ADCY8: variants seen among roughly 807,000 people sequenced by gnomAD.
ADCY8 encodes the protein adenylate cyclase type 8.
In ADCY8, 51 loss-of-function variants were observed where a neutral mutation model predicts 119.7. The observed-to-expected ratio is 0.43, with a 90% CI of 0.34 to 0.54. The LOEUF (loss-of-function observed/expected upper bound fraction) is 0.54, where lower values mean the gene tolerates loss of function less well. Among genes scored for constraint, ADCY8 ranks in the 20% least tolerant of loss-of-function variants. The pLI is 0.03. For synonymous variants in ADCY8, 665 were observed against 651.0 expected, an observed-to-expected ratio of 1.02 and a Z score of -0.33; for missense variants, 1,383 against 1,598.8, an observed-to-expected ratio of 0.87 and a Z score of 2.30.
At chr8:130,990,960 G>T (rs1292581312) in intron 1 of ADCY8, 1 of 154,044 alleles carries the variant, frequency 6.5e-6, no homozygotes, top group Non-Finnish European at 1.4e-5. Context: ...GAATACCTTT[G>T]CCTTCGAATA....
chr8:130,984,479 GT>G (rs34093565), intron 2 of ADCY8, among the ~76,000 whole-genome samples: 38,005 of 145,066 alleles, frequency 0.26, 6,678 homozygotes, highest in African/African-American at 0.51. Flanking sequence ...AGTTTGTTTA[GT>G]TTTTTTTTTT....
intron 12 of ADCY8, among the ~76,000 whole-genome samples, chr8:130,822,226 A>G (rs567968683): frequency 6.6e-6 from 1 of 152,314 alleles, no homozygotes; most frequent in South Asian, 2.1e-4. Context: ...GTGTTCAGGG[A>G]AGGCTGAAGA....
chr8:130,999,118 C>A (rs1295345092), intron 1 of ADCY8, among the ~76,000 whole-genome samples: 2 of 152,218 alleles, frequency 1.3e-5, no homozygotes, highest in Non-Finnish European at 1.5e-5. Flanking sequence ...TTGTGTCCAC[C>A]GTCTCTTATC....
rs770084286 is a variant in ADCY8, at chr8:130,884,591, C to T, written c.2082G>A (p.Met694Ile). The T allele has an allele frequency of 7.3e-5, 117 of 1,613,726 alleles. No individual in the cohort carries two copies. The highest frequency in any genetic ancestry group is 1.8e-4 in the Admixed American group (11 of 59,968). Residue 694 changes from methionine (M) to isoleucine (I), a missense_variant, in exon 8 of 18, where the codon ATG becomes ATA. Physicochemically the swap from Met to Ile is conservative, Grantham distance 10. This residue lies in a region of ADCY8 where 928 missense variants were observed against 1,163.5 expected (regional missense o/e 0.80). Transcript: ENST00000286355. ...TGTGCTCCAGGCTGGAGTCTTTAAA[C>T]ATCAGTGAGAATGGCTTGATATGCT... ...RREHIKPFSL[M>I]FKDSSLEHKY...
At chr8:131,020,831 A>T (rs1264238937) in intron 1 of ADCY8, among the ~76,000 whole-genome samples, 1 of 152,208 alleles carries the variant, frequency 6.6e-6, no homozygotes, top group South Asian at 2.1e-4. Flanking sequence ...GGAAGGTATC[A>T]GTTTCTTCCC....
At position 130,821,523 on chromosome 8, in the gene ADCY8, C is replaced by T. The variant is rs2304395; in HGVS notation, c.2676-103G>A. ...AGTGGTATAAAAAGAAAAAAACACA[C>T]ATCTTTTCAGCACCTATTATGTGAT... On this transcript the variant is annotated intron_variant, in intron 12 of 17. Transcript: ENST00000286355. The T allele has an allele frequency of 5.2e-3, 4,241 of 814,114 alleles. 210 individuals carry two copies. In the East Asian group the frequency reaches 0.099, roughly 19 times the overall value. 50.4% of individuals were successfully genotyped at this position (814,114 alleles called of 1,614,324 possible).
At chr8:130,807,668 A>G (rs1816009559) in intron 14 of ADCY8, among the ~76,000 whole-genome samples, 1 of 152,170 alleles carries the variant, frequency 6.6e-6, no homozygotes. Flanking sequence ...ACCTGGGAGG[A>G]AAGACATTTC....
chr8:130,946,706 T>C (rs1821116328), intron 3 of ADCY8, among the ~76,000 whole-genome samples: 1 of 152,190 alleles, frequency 6.6e-6, no homozygotes. Flanking sequence ...GTTGGCCCTA[T>C]TACATGTTTC....
rs150422797 is a variant in ADCY8, at chr8:130,917,028, C to A, written c.1482-7162G>T. On this transcript the variant is annotated intron_variant, in intron 5 of 17. Coordinates refer to ENST00000286355, the MANE Select transcript of ADCY8 (RefSeq NM_001115.3). ...AAAGTTGTGATTTCACAAAGTGCTT[C>A]CCAATTCATGTTCTCATTTTGATAG... Among the ~76,000 whole-genome samples the A allele has an allele frequency of 3.8e-4, 58 of 152,254 alleles. 1 individual carries two copies. Among genetic ancestry groups the A allele is most frequent in the African/African-American group, 9.6e-5 (4 of 41,540 alleles).
intron 7 of ADCY8, chr8:130,892,065 T>G (rs1400627516): frequency 6.6e-6 from 1 of 152,178 alleles, no homozygotes; most frequent in Non-Finnish European, 1.5e-5. Context: ...GGAGAAGGTC[T>G]GTGGGATTCT....
intron 7 of ADCY8, among the ~76,000 whole-genome samples, chr8:130,889,905 C>T (rs979432084): frequency 6.6e-6 from 1 of 152,092 alleles, no homozygotes; most frequent in Non-Finnish European, 1.5e-5. Context: ...AATAAGACAT[C>T]ACCTCCTCCA....
At chr8:130,964,570 T>A (rs189291150) in intron 2 of ADCY8, among the ~76,000 whole-genome samples, 2 of 152,342 alleles carry the variant, frequency 1.3e-5, no homozygotes, top group Non-Finnish European at 2.9e-5. Flanking sequence ...AAATTAGATG[T>A]CGGCAAGATA....
At chr8:130,995,869 G>C (rs1822757463) in intron 1 of ADCY8, among the ~76,000 whole-genome samples, 1 of 152,132 alleles carries the variant, frequency 6.6e-6, no homozygotes, top group Admixed American at 6.6e-5. Context: ...ACTGGATTGT[G>C]AGTTCTAATA....
At chr8:130,787,820 A>C (rs996743642) in intron 15 of ADCY8, among the ~76,000 whole-genome samples, 2 of 150,152 alleles carry the variant, frequency 1.3e-5, no homozygotes, top group Non-Finnish European at 2.9e-5. Flanking sequence ...GTTTATGTGC[A>C]TGTGCATCCA....
At chr8:130,862,806 ATCTT>A (rs1817984931) in intron 9 of ADCY8, among the ~76,000 whole-genome samples, 1 of 152,112 alleles carries the variant, frequency 6.6e-6, no homozygotes, top group Non-Finnish European at 1.5e-5. Flanking sequence ...TTTTCTAGCT[ATCTT>A]TCTATTATTG....
intron 15 of ADCY8, among the ~76,000 whole-genome samples, chr8:130,790,433 C>G (rs981487197): frequency 6.6e-6 from 1 of 152,124 alleles, no homozygotes; most frequent in African/African-American, 2.4e-5. Context: ...ATAAAGTAGC[C>G]TGTTCTATTT....
At chr8:130,887,763 A>G (rs945349408) in intron 7 of ADCY8, among the ~76,000 whole-genome samples, 1 of 152,132 alleles carries the variant, frequency 6.6e-6, no homozygotes. Context: ...ATGATTTGGG[A>G]TTATCTGTGA....
rs73342431 is a variant in ADCY8, at chr8:130,808,780, A to T, written c.2913+5289T>A. Among the ~76,000 whole-genome samples, 1,178 of 152,316 alleles carry T rather than the reference A, an allele frequency of 7.7e-3. 22 individuals carry two copies. The highest frequency in any genetic ancestry group is 0.027 in the African/African-American group (1,113 of 41,562). ...TTAATCAGATGAGGAAATGGACTCC[A>T]AAGAGTTGGGTAACCTGGCGTAGGT... On this transcript the variant is annotated intron_variant, in intron 14 of 17. Transcript: ENST00000286355.
intron 6 of ADCY8, among the ~76,000 whole-genome samples, chr8:130,905,721 G>A (rs80282625): frequency 3.3e-5 from 5 of 152,196 alleles, no homozygotes; most frequent in South Asian, 2.1e-4. Context: ...TTAGCTGGGC[G>A]TGGTGGTGCA....
Sources: allele counts gnomAD v4.1 joint callset (sites outside exome capture counted in the v4.1 genomes callset), GRCh38; gene constraint gnomAD v4.1.1; regional missense constraint gnomAD v4.1.1; transcripts MANE v1.5; gene names NCBI Gene and HGNC (gene_info 2026-07-23, HGNC 2026-07-21).